LTK: variants seen among roughly 807,000 people sequenced by gnomAD.
The protein encoded by LTK is leukocyte receptor tyrosine kinase.
Under a neutral mutation model 101.5 loss-of-function variants are expected in LTK, and 117 were observed. That is an observed-to-expected ratio of 1.15 (90% CI 0.99 to 1.34). The LOEUF (loss-of-function observed/expected upper bound fraction) is 1.34. Ranked by LOEUF, LTK falls within the 40% of genes most tolerant of loss-of-function variation. The pLI is 0.00. For missense variants in LTK, 1,252 were observed against 1,164.7 expected (o/e 1.07, Z -1.09); for synonymous variants, 563 against 494.2 (o/e 1.14, Z -1.85).
intron 7 of LTK, among the ~76,000 whole-genome samples, chr15:41,509,392 G>A (rs2051384113): frequency 6.6e-6 from 1 of 152,178 alleles, no homozygotes; most frequent in Non-Finnish European, 1.5e-5. Context: ...CTGTGAGAAT[G>A]TAGATCATGT....
chr15:41,511,018 G>A lies in LTK; in HGVS notation c.997+146C>T. 1 of 1,154,078 alleles carries A rather than the reference G, an allele frequency of 8.7e-7. No homozygotes were observed. The highest frequency in any genetic ancestry group is 1.6e-5 in the African/African-American group (1 of 62,182). 71.5% of individuals were successfully genotyped at this position (1,154,078 alleles called of 1,614,324 possible). A position where few individuals can be genotyped will look rare whatever the true frequency, so the allele number is the denominator to read the frequency against. ...CAGTGTATTTGACCTCCTTTTCTAAGAGCTCCTGCTTTTTGTTTGGAGCTG... is the reference window on the plus strand; with the variant it reads ...CAGTGTATTTGACCTCCTTTTCTAAAAGCTCCTGCTTTTTGTTTGGAGCTG... On this transcript the variant is annotated intron_variant, in intron 7 of 19. Coordinates refer to ENST00000263800, the MANE Select transcript of LTK (RefSeq NM_002344.6). This position sits in a 1 kb window ranked among gnomAD's most constrained non-coding sequence, Gnocchi z 5.9.
At position 41,511,866 on chromosome 15, in the gene LTK, C is replaced by A. The variant is rs2051477664; in HGVS notation, c.608G>T (p.Arg203Leu). ...GCCACCCCCGCCACCTCCCGCCCAGCGCCGCGACCCCGGGACCCCTTCGCT... is the reference window on the plus strand; with the variant it reads ...GCCACCCCCGCCACCTCCCGCCCAGAGCCGCGACCCCGGGACCCCTTCGCT... ...DGSEGVPGSR[R>L]WAGGGGGGGG... Residue 203 changes from arginine to leucine, a missense_variant, in exon 5 of 20, where the codon CGC (arginine) becomes CTC (leucine). By Grantham distance (102) the Arg-to-Leu change is moderately radical. Transcript: ENST00000263800. The surrounding 1 kb of genome is among the most constrained non-coding windows in gnomAD (Gnocchi z 5.9). 1.8e-5 allele frequency: 26 copies of A among 1,465,248 alleles called. No individual in the cohort carries two copies. The highest frequency in any genetic ancestry group is 2.3e-5 in the Non-Finnish European group (26 of 1,119,564). 90.8% of individuals were successfully genotyped at this position (1,465,248 alleles called of 1,614,324 possible). A position where few individuals can be genotyped will look rare whatever the true frequency, so the allele number is the denominator to read the frequency against.
chr15:41,504,294 C>T, intron 19 of LTK, 48 bp downstream of exon 19: 1 of 1,610,402 alleles, frequency 6.2e-7, no homozygotes, highest in Non-Finnish European at 8.5e-7. Flanking sequence ...TTCTGGCCCT[C>T]CCTCCTGACC....
At position 41,504,600 on chromosome 15, in the gene LTK, A is replaced by G; in HGVS notation, c.2161T>C (p.Tyr721His). Residue 721 changes from tyrosine (Y) to histidine (H), a missense_variant, in exon 18 of 20, where the codon TAC becomes CAC. Coordinates refer to ENST00000263800, the MANE Select transcript of LTK (RefSeq NM_002344.6). ...VLLWEIFSLG[Y>H]MPYPGRTNQE... ...TTGGTGCGCCCAGGATAGGGCATGT[A>G]GCCCAGTGAGAAGATCTCCCAGAGC... 1 of 1,613,770 alleles carries G rather than the reference A, an allele frequency of 6.2e-7. No homozygotes were observed. The highest frequency in any genetic ancestry group is 2.2e-5 in the East Asian group (1 of 44,884).
chr15:41,507,221 A>G lies in LTK; in HGVS notation c.1415T>C (p.Leu472Pro), dbSNP rs774104261. The G allele has an allele frequency of 1.2e-6, 2 of 1,613,356 alleles. No individual in the cohort carries two copies. Among genetic ancestry groups the G allele is most frequent in the Non-Finnish European group, 1.7e-6 (2 of 1,179,822 alleles). Residue 472 changes from leucine (L) to proline (P), a missense_variant, in exon 11 of 20, where the codon CTT (leucine) becomes CCT (proline). Transcript: ENST00000263800. ...GGCTGTCCTGATGGCAGAGGTTCGAAGCTTGCTCAGCTCAAGCTCAGGGCT... is the reference window on the plus strand; with the variant it reads ...GGCTGTCCTGATGGCAGAGGTTCGAGGCTTGCTCAGCTCAAGCTCAGGGCT... Reference protein sequence around the residue: ...LPSPELELSKLRTSAIRTAPN... With the variant: ...LPSPELELSKPRTSAIRTAPN...
In LTK at chr15:41,507,310, C is replaced by A. The variant is rs369379694; in HGVS notation, c.1346-20G>T. The A allele has an allele frequency of 1.3e-6, 2 of 1,579,662 alleles. No homozygotes were observed. The highest frequency in any genetic ancestry group is 2.2e-5 in the East Asian group (1 of 44,486). On this transcript the variant is annotated intron_variant, in intron 10 of 19. Coordinates refer to ENST00000263800, the MANE Select transcript of LTK (RefSeq NM_002344.6). ...GCTTCACTGGGGGTGGGAAGAATAA[C>A]GGCACACCCTCCACCTGCCCATCAA...
At chr15:41,513,326 C>T (rs530217814) in intron 1 of LTK, among the ~76,000 whole-genome samples, 144 of 152,348 alleles carry the variant, frequency 9.5e-4, no homozygotes, top group Admixed American at 1.4e-3. Flanking sequence ...AGTTTCTCTC[C>T]TCGAGCGCCT....
chr15:41,503,916 T>A lies in LTK; in HGVS notation c.*80A>T. 6.8e-7 allele frequency: 1 copy of A among 1,479,040 alleles called. No individual in the cohort carries two copies. Among genetic ancestry groups the A allele is most frequent in the Non-Finnish European group, 9.0e-7 (1 of 1,108,182 alleles). The allele number at this position is 1,479,040 out of a possible 1,614,324, so 91.6% of individuals were successfully genotyped here. ...CTGCAGGGAACAGAGGCCGCTGGCA[T>A]AACAGGCCACCCAGGAGCCTGAGGA... On this transcript the variant is annotated 3_prime_UTR_variant, in exon 20 of 20. Coordinates refer to ENST00000263800, the MANE Select transcript of LTK (RefSeq NM_002344.6).
In LTK at chr15:41,508,184, G is replaced by A. The variant is rs747305553; in HGVS notation, c.1134C>T (p.His378=). The A allele has an allele frequency of 1.1e-5, 18 of 1,613,362 alleles. No homozygotes were observed. Among genetic ancestry groups the A allele is most frequent in the Admixed American group, 6.7e-5 (4 of 59,966 alleles). The change falls in exon 9 of 20, where the codon CAC becomes CAT. Residue 378 remains histidine, a synonymous_variant. Coordinates refer to ENST00000263800, the MANE Select transcript of LTK (RefSeq NM_002344.6). ...ENHGEVEIRR[H]LNCSHCPLRD... ...TCAAAGGGCAGTGACTGCAGTTGAG[G>A]TGCCTTCGGATCTCTACCTCTCCGT...
chr15:41,504,488 G>A lies in LTK; in HGVS notation c.2255+18C>T, dbSNP rs765431357. The A allele has an allele frequency of 6.1e-5, 98 of 1,600,000 alleles. No individual in the cohort carries two copies. The Admixed American group carries it at 1.3e-3, about 21-fold the overall frequency. ...ATGGTTGTGAAGGACCTCCCTTCCC[G>A]GGCAGCACTCAACTCACACAGGCCC... On this transcript the variant is annotated intron_variant, in intron 18 of 19. Transcript: ENST00000263800.
In LTK at chr15:41,511,406, C is replaced by G; in HGVS notation, c.814+16G>C. 1 of 1,373,866 alleles carries G rather than the reference C, an allele frequency of 7.3e-7. No homozygotes were observed. The highest frequency in any genetic ancestry group is 9.3e-7 in the Non-Finnish European group (1 of 1,072,418). The allele number at this position is 1,373,866 out of a possible 1,614,324, so 85.1% of individuals were successfully genotyped here. On this transcript the variant is annotated intron_variant, in intron 6 of 19. Transcript: ENST00000263800. This position sits in a 1 kb window ranked among gnomAD's most constrained non-coding sequence, Gnocchi z 5.9. ...CGGGGAGCACGCCCGCCTCTCCCCGCGGCCCGCGCCCTCACCTGCCGCCCC... is the reference window on the plus strand; with the variant it reads ...CGGGGAGCACGCCCGCCTCTCCCCGGGGCCCGCGCCCTCACCTGCCGCCCC...
chr15:41,511,539 C>A lies in LTK; in HGVS notation c.697G>T (p.Gly233Ter). 1 of 1,456,380 alleles carries A rather than the reference C, an allele frequency of 6.9e-7. No individual in the cohort carries two copies. 90.2% of individuals were successfully genotyped at this position (1,456,380 alleles called of 1,614,324 possible). ...CTCAGGTAGGCCCGACCGCCGCCTC[C>A]GGCCGCCACCAGCAACGGTTCCAGC... ...GELEPLLVAA[G>*]GGGRAYLRPR... The change falls in exon 6 of 20, where the codon GGA (glycine) becomes TGA (stop). Residue 233 changes from glycine to a stop codon, truncating the protein, a stop_gained. Transcript: ENST00000263800. LOFTEE classifies it high-confidence loss of function. The surrounding 1 kb of genome is among the most constrained non-coding windows in gnomAD (Gnocchi z 5.9).
rs1177733459 is a variant in LTK at position 41,511,847 on chromosome 15, C to A, written c.627G>T (p.Gly209=). 1 of 1,475,696 alleles carries A rather than the reference C, an allele frequency of 6.8e-7. No homozygotes were observed. The highest frequency in any genetic ancestry group is 8.9e-7 in the Non-Finnish European group (1 of 1,124,678). 91.4% of individuals were successfully genotyped at this position (1,475,696 alleles called of 1,614,324 possible). Residue 209 remains glycine, a synonymous_variant, in exon 5 of 20, where the codon GGG becomes GGT. Coordinates refer to ENST00000263800, the MANE Select transcript of LTK (RefSeq NM_002344.6). This position sits in a 1 kb window ranked among gnomAD's most constrained non-coding sequence, Gnocchi z 5.9. ...PGSRRWAGGG[G]GGGGATYVFR... ...AAACGTAGGTGGCGCCCCCGCCACC[C>A]CCGCCACCTCCCGCCCAGCGCCGCG...
In LTK at chr15:41,505,573, G is replaced by A. The variant is rs369929120; in HGVS notation, c.1698-43C>T. ...CATATCCCGTTACCAGGAGGGAGAC[G>A]GAAACCATGTTTTAGGCTCCACAAA... is the stretch of plus-strand genomic sequence containing the variant. On this transcript the variant is annotated intron_variant, in intron 13 of 19. Coordinates refer to ENST00000263800, the MANE Select transcript of LTK (RefSeq NM_002344.6). 518 of 1,612,128 alleles carry A rather than the reference G, an allele frequency of 3.2e-4. 3 individuals are homozygous for A. The highest frequency in any genetic ancestry group is 2.0e-3 in the Middle Eastern group (12 of 6,048).
chr15:41,509,040 G>A lies in LTK; in HGVS notation c.1087C>T (p.Pro363Ser). 1.2e-6 allele frequency: 2 copies of A among 1,605,390 alleles called. No individual in the cohort carries two copies. The highest frequency in any genetic ancestry group is 1.7e-6 in the Non-Finnish European group (2 of 1,175,294). ...IHPSSELFLQ[P>S]LAVTENHGEV... ...GGGTTGGGGCCAATACCTGCCAGAG[G>A]CTGCAGGAAGAGCTCGCTGCTGGGG... The change falls in exon 8 of 20, where the codon CCT becomes TCT. Residue 363 changes from proline to serine, a missense_variant. Coordinates refer to ENST00000263800, the MANE Select transcript of LTK (RefSeq NM_002344.6).
Position 41,505,492 on chromosome 15 carries a change from A to G in LTK, c.1736T>C (p.Leu579Pro), listed in dbSNP as rs779227030. ...RHQNIVRCVG[L>P]SLRATPRLIL... ...GAGGCGAGGGGTGGCCCTGAGGCTGAGCCCCACACACCGCACAATGTTCTG... is the reference window on the plus strand; with the variant it reads ...GAGGCGAGGGGTGGCCCTGAGGCTGGGCCCCACACACCGCACAATGTTCTG... Residue 579 changes from leucine to proline, a missense_variant, in exon 14 of 20, where the codon CTC (leucine) becomes CCC (proline). Physicochemically the swap from Leu to Pro is moderately conservative, Grantham distance 98 (BLOSUM62 -3). Transcript: ENST00000263800. 42 of 1,613,900 alleles carry G rather than the reference A, an allele frequency of 2.6e-5. No individual in the cohort carries two copies. The East Asian group carries it at 9.1e-4, about 35-fold the overall frequency.
Position 41,511,222 on chromosome 15 carries a change from G to A in LTK, c.939C>T (p.Gly313=). The change falls in exon 7 of 20, where the codon GGC becomes GGT. Residue 313 remains glycine, a synonymous_variant. Transcript: ENST00000263800. This position sits in a 1 kb window ranked among gnomAD's most constrained non-coding sequence, Gnocchi z 5.9. ...AWATLGWAAA[G]GFGGGGGACT... The stretch of plus-strand genomic sequence containing the variant: ...AGGCCCCGCCGCCGCCCCCGAAGCC[G>A]CCGGCCGCGGCCCAGCCAAGGGTCG... 3 of 1,391,018 alleles carry A rather than the reference G, an allele frequency of 2.2e-6. No homozygotes were observed. The highest frequency in any genetic ancestry group is 2.8e-6 in the Non-Finnish European group (3 of 1,077,012). 86.2% of individuals were successfully genotyped at this position (1,391,018 alleles called of 1,614,324 possible). A position where few individuals can be genotyped will look rare whatever the true frequency, so the allele number is the denominator to read the frequency against.
chr15:41,508,578 AATAAATAAAT>A (rs1427196348), intron 8 of LTK, among the ~76,000 whole-genome samples: 1 of 144,602 alleles, frequency 6.9e-6, no homozygotes, highest in Admixed American at 6.9e-5. Flanking sequence ...TAAATAAATA[AATAAATAAAT>A]AAATAAATAA....
At position 41,513,751 on chromosome 15, in the gene LTK, G is replaced by T; in HGVS notation, c.-42C>A. The T allele has an allele frequency of 4.4e-6, 7 of 1,575,062 alleles. No individual in the cohort carries two copies. Among genetic ancestry groups the T allele is most frequent in the Non-Finnish European group, 6.1e-6 (7 of 1,144,976 alleles). Reference sequence around the variant, plus strand: ...CGGCAACAAAAGCCCTTGCGGTCGCGGCCACACCCCTGTCAACCTAAAGTT... The same window carrying T: ...CGGCAACAAAAGCCCTTGCGGTCGCTGCCACACCCCTGTCAACCTAAAGTT... On this transcript the variant is annotated 5_prime_UTR_variant, in exon 1 of 20. Coordinates refer to ENST00000263800, the MANE Select transcript of LTK (RefSeq NM_002344.6).
Sources: gnomAD v4.1 joint callset for allele counts (sites outside exome capture counted in the v4.1 genomes callset) on GRCh38, gnomAD v4.1.1 for gene constraint, Gnocchi (gnomAD v3.1) non-coding constraint, MANE v1.5 for transcripts, NCBI Gene and HGNC (gene_info 2026-07-23, HGNC 2026-07-21) for gene names.